LAMP1: variants seen among roughly 807,000 people sequenced by gnomAD.
LAMP1 encodes the protein lysosome-associated membrane glycoprotein 1.
Under a neutral mutation model 37.5 loss-of-function variants are expected in LAMP1, and 7 were observed. The ratio of observed to expected loss-of-function variants is 0.19; its 90% CI spans 0.11 to 0.35. The LOEUF is 0.35. Ranked by LOEUF, LAMP1 falls within the 10% of genes least tolerant of loss-of-function variation. The probability of loss-of-function intolerance (pLI) is 1.00; values close to 1 mark genes in which losing one functional copy is unlikely to be tolerated. For missense variants in LAMP1, 537 were observed against 552.8 expected (o/e 0.97, Z 0.29); for synonymous variants, 236 against 229.1 (o/e 1.03, Z -0.27).
At position 113,306,446 on chromosome 13, in the gene LAMP1, A is replaced by G. The variant is rs568126118; in HGVS notation, c.62-39A>G. The stretch of plus-strand genomic sequence containing the variant: ...GGAAATACTCGGTCGTATTTTCTGG[A>G]CAGTTTTTGATGGTCTCCGTCTTCC... On this transcript the variant is annotated intron_variant, in intron 1 of 8. Coordinates refer to ENST00000332556, the MANE Select transcript of LAMP1 (RefSeq NM_005561.4). 34 of 1,600,080 alleles carry G rather than the reference A, an allele frequency of 2.1e-5. No homozygotes were observed. The African/African-American group carries it at 3.6e-4, about 17-fold the overall frequency.
intron 2 of LAMP1, 41 bp downstream of exon 2, chr13:113,306,647 T>G (rs900838488): frequency 1.3e-6 from 2 of 1,583,184 alleles, no homozygotes; most frequent in African/African-American, 2.7e-5. Flanking sequence ...CTTGTGTGTG[T>G]GGAAAGATGA....
At position 113,320,045 on chromosome 13, in the gene LAMP1, G is replaced by T. The variant is rs917123364; in HGVS notation, c.751-300G>T. Among the ~76,000 whole-genome samples, 4 of 152,312 alleles carry T rather than the reference G, an allele frequency of 2.6e-5. No homozygotes were observed. The highest frequency in any genetic ancestry group is 2.1e-4 in the South Asian group (1 of 4,832). ...TCCCCTAGTAGTGACAGGCTGTGGG[G>T]TTGTGGGGGTCGACTTGCGTGCCGT... is the stretch of plus-strand genomic sequence containing the variant. On this transcript the variant is annotated intron_variant, in intron 5 of 8. Coordinates refer to ENST00000332556, the MANE Select transcript of LAMP1 (RefSeq NM_005561.4). The surrounding 1 kb of genome is among the most constrained non-coding windows in gnomAD (Gnocchi z 4.4).
intron 4 of LAMP1, among the ~76,000 whole-genome samples, chr13:113,314,173 CTAGAGGGAGT>C (rs1487007552): frequency 8.6e-6 from 1 of 115,666 alleles, no homozygotes; most frequent in African/African-American, 4.8e-5. Context: ...GCGTGGCCTA[CTAGAGGGAGT>C]CAGTGTGGAG....
At chr13:113,310,687 A>ATT (rs201559462) in intron 3 of LAMP1, 22 bp from the exon 4 acceptor site, 118 of 1,273,354 alleles carry the variant, frequency 9.3e-5, no homozygotes, top group South Asian at 2.6e-4. Context: ...TGCAATTGTG[A>ATT]TTTTTTTTTT....
Position 113,322,364 on chromosome 13 carries a change from C to T in LAMP1, c.1197C>T (p.Val399=). ...GGALAGLVLI[V]LIAYLVGRKR... is the part of the protein sequence containing the mutation. ...CCCTGGCGGGGCTGGTCCTCATCGT[C>T]CTCATCGCCTACCTCGTCGGCAGGA... is the stretch of plus-strand genomic sequence containing the variant. Residue 399 remains valine, a synonymous_variant, in exon 9 of 9, where the codon GTC becomes GTT. Coordinates refer to ENST00000332556, the MANE Select transcript of LAMP1 (RefSeq NM_005561.4). 1 of 1,613,792 alleles carries T rather than the reference C, an allele frequency of 6.2e-7. No individual in the cohort carries two copies. Among genetic ancestry groups the T allele is most frequent in the Non-Finnish European group, 8.5e-7 (1 of 1,179,880 alleles).
intron 4 of LAMP1, among the ~76,000 whole-genome samples, chr13:113,315,339 C>T (rs373642485): frequency 1.3e-3 from 192 of 151,326 alleles, no homozygotes; most frequent in African/African-American, 4.3e-3. Flanking sequence ...GGCTGGGCTT[C>T]CTGCCTGGGT....
chr13:113,306,754 C>T (rs1010233111), intron 2 of LAMP1, 148 bp downstream of exon 2: 42 of 776,924 alleles, frequency 5.4e-5, no homozygotes, highest in African/African-American at 1.2e-4. Flanking sequence ...CAGTAACCTG[C>T]GCTGTCATGT....
In LAMP1 at chr13:113,320,867, G is replaced by T; in HGVS notation, c.876+397G>T. 1 of 228,048 alleles carries T rather than the reference G, an allele frequency of 4.4e-6. No homozygotes were observed. Among genetic ancestry groups the T allele is most frequent in the East Asian group, 1.1e-4 (1 of 9,490 alleles). 14.1% of individuals were successfully genotyped at this position (228,048 alleles called of 1,614,324 possible). On this transcript the variant is annotated intron_variant, in intron 6 of 8. Coordinates refer to ENST00000332556, the MANE Select transcript of LAMP1 (RefSeq NM_005561.4). This position sits in a 1 kb window ranked among gnomAD's most constrained non-coding sequence, Gnocchi z 4.4. ...AGTCTTTTTAAATCGCTGTGCAAAT[G>T]AATTAACAGTTCAGTTTCTTATAAT...
Position 113,306,578 on chromosome 13 carries a change from T to G in LAMP1, c.155T>G (p.Val52Gly). 6.2e-7 allele frequency: 1 copy of G among 1,614,090 alleles called. No homozygotes were observed. Among genetic ancestry groups the G allele is most frequent in the East Asian group, 2.2e-5 (1 of 44,880 alleles). Residue 52 changes from valine to glycine, a missense_variant, in exon 2 of 9, where the codon GTG becomes GGG. Physicochemically the swap from Val to Gly is moderately radical, Grantham distance 109 (BLOSUM62 -3). Transcript: ENST00000332556. The part of the protein sequence containing the change: ...IMANFSAAFS[V>G]NYDTKSGPKN... ...GCCAACTTCTCTGCTGCCTTCTCAG[T>G]GAACTACGACACCAAGAGTGGCCCT...
chr13:113,305,426 C>A (rs1467130767), intron 1 of LAMP1: 1 of 152,208 alleles, frequency 6.6e-6, no homozygotes, highest in African/African-American at 2.4e-5. Flanking sequence ...CACCTGTTTT[C>A]CAATCTGTAA....
rs1173844288 is a variant in LAMP1 at position 113,321,388 on chromosome 13, C to A, written c.877-16C>A. 1.2e-6 allele frequency: 2 copies of A among 1,600,282 alleles called. No homozygotes were observed. Among genetic ancestry groups the A allele is most frequent in the East Asian group, 2.2e-5 (1 of 44,808 alleles). ...ATGAATCTGCTCCGTGATTAAAGAT[C>A]ATTTTTCTTTTTAAGAATGCAAGTT... On this transcript the variant is annotated splice_polypyrimidine_tract_variant and intron_variant, in intron 6 of 8. Coordinates refer to ENST00000332556, the MANE Select transcript of LAMP1 (RefSeq NM_005561.4). This position sits in a 1 kb window ranked among gnomAD's most constrained non-coding sequence, Gnocchi z 5.6.
rs573024433 is a variant in LAMP1, at chr13:113,321,327, ATG to A, written c.877-72_877-71del. 6 of 1,158,092 alleles carry A rather than the reference ATG, an allele frequency of 5.2e-6. No individual in the cohort carries two copies. Among genetic ancestry groups the A allele is most frequent in the Non-Finnish European group, 7.8e-6 (6 of 764,602 alleles). 71.7% of individuals were successfully genotyped at this position (1,158,092 alleles called of 1,614,324 possible). A position where few individuals can be genotyped will look rare whatever the true frequency, so the allele number is the denominator to read the frequency against. On this transcript the variant is annotated intron_variant, in intron 6 of 8. Transcript: ENST00000332556. The surrounding 1 kb of genome is among the most constrained non-coding windows in gnomAD (Gnocchi z 5.6). ...AATGACCATTCACGTTTGATGATAA[ATG>A]TGTGAATCTACTGGGGTTAAAGATC...
At chr13:113,316,200 C>T (rs1238320050) in intron 4 of LAMP1, among the ~76,000 whole-genome samples, 7 of 152,286 alleles carry the variant, frequency 4.6e-5, no homozygotes, top group East Asian at 1.9e-4. Context: ...CCATCCAAAC[C>T]GGATTTCCAG....
rs2042708654 is a variant in LAMP1 at position 113,322,547 on chromosome 13, T to C, written c.*126T>C. On this transcript the variant is annotated 3_prime_UTR_variant, in exon 9 of 9. Transcript: ENST00000332556. ...AAATCTGCTTCATCCAATGTGAAGT[T>C]CATCTTGCAGCATTTACTATGCACA... 3 of 861,672 alleles carry C rather than the reference T, an allele frequency of 3.5e-6. No homozygotes were observed. The East Asian group carries it at 8.1e-5, about 23-fold the overall frequency. 53.4% of individuals were successfully genotyped at this position (861,672 alleles called of 1,614,324 possible).
At chr13:113,319,722 G>C (rs1383533566) in intron 5 of LAMP1, 66 bp downstream of exon 5, 8 of 1,463,478 alleles carry the variant, frequency 5.5e-6, no homozygotes, top group Admixed American at 1.8e-5. Flanking sequence ...TGCTCCCTGT[G>C]CACTGAGAAC....
chr13:113,297,551 C>T lies in LAMP1; in HGVS notation c.61+56C>T, dbSNP rs2042549319. On this transcript the variant is annotated intron_variant, in intron 1 of 8. Transcript: ENST00000332556. This position sits in a 1 kb window ranked among gnomAD's most constrained non-coding sequence, Gnocchi z 4.4. ...GCGGGACCGGGCGGAGCCGAGGTCC[C>T]TGGGTCTTGAGGGCGGGGGACTGCC... The T allele has an allele frequency of 2.5e-6, 3 of 1,214,284 alleles. No homozygotes were observed. The highest frequency in any genetic ancestry group is 6.5e-5 in the East Asian group (2 of 30,728). 75.2% of individuals were successfully genotyped at this position (1,214,284 alleles called of 1,614,324 possible).
intron 4 of LAMP1, among the ~76,000 whole-genome samples, chr13:113,311,870 C>T (rs945951676): frequency 1.3e-5 from 2 of 152,320 alleles, no homozygotes; most frequent in South Asian, 2.1e-4. Flanking sequence ...GCTTCTCTCC[C>T]GAGCCTCACA....
chr13:113,319,663 C>T lies in LAMP1; in HGVS notation c.750+7C>T. The T allele has an allele frequency of 6.2e-7, 1 of 1,606,272 alleles. No homozygotes were observed. Among genetic ancestry groups the T allele is most frequent in the Non-Finnish European group, 8.5e-7 (1 of 1,177,160 alleles). ...TGAGAGGAAGGACAACACGGTAGGGCTGGGGCCTCACCTGGGAGAGGGGGA... is the reference window on the plus strand; with the variant it reads ...TGAGAGGAAGGACAACACGGTAGGGTTGGGGCCTCACCTGGGAGAGGGGGA... On this transcript the variant is annotated splice_region_variant and intron_variant, in intron 5 of 8. Coordinates refer to ENST00000332556, the MANE Select transcript of LAMP1 (RefSeq NM_005561.4).
intron 4 of LAMP1, among the ~76,000 whole-genome samples, chr13:113,311,618 G>C (rs543586818): frequency 7.2e-5 from 11 of 152,172 alleles, no homozygotes; most frequent in Admixed American, 2.0e-4. Flanking sequence ...TCAGGGCTGC[G>C]ATGATGTACC....
Sources: allele counts gnomAD v4.1 joint callset (sites outside exome capture counted in the v4.1 genomes callset), GRCh38; gene constraint gnomAD v4.1.1; non-coding constraint Gnocchi (gnomAD v3.1); transcripts MANE v1.5; gene names NCBI Gene and HGNC (gene_info 2026-07-23, HGNC 2026-07-21).